Variants in SEMA5A observed in about 807,000 individuals in gnomAD.
SEMA5A encodes semaphorin 5A.
In SEMA5A, 55 loss-of-function variants were observed where a neutral mutation model predicts 135.5. The observed-to-expected ratio is 0.41, with a 90% CI of 0.33 to 0.51. The LOEUF (loss-of-function observed/expected upper bound fraction) is 0.51, where lower values mean the gene tolerates loss of function less well. SEMA5A is among the 20% of genes least tolerant of loss of function. SEMA5A has a pLI of 0.37. For synonymous variants in SEMA5A, 580 were observed against 546.5 expected (o/e 1.06, Z -0.85); for missense variants, 1,290 against 1,419.9 (o/e 0.91, Z 1.47).
chr5:9,171,683 CT>C (rs1418388007), intron 11 of SEMA5A, among the ~76,000 whole-genome samples: 2 of 152,140 alleles, frequency 1.3e-5, no homozygotes, highest in Admixed American at 6.5e-5. Flanking sequence ...CAATTCATTG[CT>C]TTCCCTAACT....
At chr5:9,457,131 C>A (rs3798031) in intron 1 of SEMA5A, among the ~76,000 whole-genome samples, 1 of 151,994 alleles carries the variant, frequency 6.6e-6, no homozygotes, top group Admixed American at 6.6e-5. Context: ...GTACTAACCA[C>A]GTGCTGCTTC....
rs975493153 is a variant in SEMA5A at position 9,053,759 on chromosome 5, G to C, written c.2689+328C>G. The C allele has an allele frequency of 2.5e-5, 5 of 199,270 alleles. No individual in the cohort carries two copies. In the East Asian group the frequency reaches 5.9e-4, roughly 23 times the overall value. The allele number at this position is 199,270 out of a possible 1,614,324, so 12.3% of individuals were successfully genotyped here. On this transcript the variant is annotated intron_variant, in intron 19 of 22. Coordinates refer to ENST00000382496, the MANE Select transcript of SEMA5A (RefSeq NM_003966.3). The stretch of plus-strand genomic sequence containing the variant: ...TGGGTCACTAGTGTTAATTAGCAAA[G>C]TCAAGAATAAATTGGGATGTTTCCT...
chr5:9,375,678 C>T (rs573776273), intron 3 of SEMA5A, among the ~76,000 whole-genome samples: 8 of 150,582 alleles, frequency 5.3e-5, no homozygotes, highest in East Asian at 1.9e-4. Context: ...CAGAAAGTGA[C>T]GAATTGTCCT....
chr5:9,303,430 A>C (rs1751712124), intron 5 of SEMA5A, among the ~76,000 whole-genome samples: 1 of 152,172 alleles, frequency 6.6e-6, no homozygotes, highest in Non-Finnish European at 1.5e-5. Context: ...AGATTCAAAG[A>C]ATGCCTGAAC....
At chr5:9,214,773 A>G (rs1439424391) in intron 8 of SEMA5A, among the ~76,000 whole-genome samples, 1 of 152,218 alleles carries the variant, frequency 6.6e-6, no homozygotes, top group Non-Finnish European at 1.5e-5. Context: ...AGGCTAGACT[A>G]TGAGAGCACT....
intron 11 of SEMA5A, among the ~76,000 whole-genome samples, chr5:9,186,367 T>C (rs1007005704): frequency 1.3e-5 from 2 of 152,156 alleles, no homozygotes; most frequent in Non-Finnish European, 2.9e-5. Flanking sequence ...CTGTAGACAA[T>C]ATGGACAAAT....
intron 1 of SEMA5A, among the ~76,000 whole-genome samples, chr5:9,532,828 G>C (rs1385089519): frequency 6.6e-6 from 1 of 152,144 alleles, no homozygotes; most frequent in Non-Finnish European, 1.5e-5. Flanking sequence ...CCAAAGAGAA[G>C]AGTGAGGGGA....
chr5:9,506,544 G>C (rs1735889473), intron 1 of SEMA5A, among the ~76,000 whole-genome samples: 1 of 152,130 alleles, frequency 6.6e-6, no homozygotes, highest in East Asian at 1.9e-4. Context: ...GGCCCCATGG[G>C]GTAGGGTTGA....
At chr5:9,423,207 A>C (rs375007788) in intron 2 of SEMA5A, among the ~76,000 whole-genome samples, 1 of 152,352 alleles carries the variant, frequency 6.6e-6, no homozygotes, top group East Asian at 1.9e-4. Flanking sequence ...GACTTGTTCC[A>C]AATGGCTTTC....
At chr5:9,199,288 G>A (rs1745577675) in intron 9 of SEMA5A, among the ~76,000 whole-genome samples, 1 of 152,074 alleles carries the variant, frequency 6.6e-6, no homozygotes, top group South Asian at 2.1e-4. Flanking sequence ...ACTTCTTCCT[G>A]TCCCCTGTGC....
At chr5:9,093,692 C>A (rs1217170770) in intron 16 of SEMA5A, among the ~76,000 whole-genome samples, 5 of 146,572 alleles carry the variant, frequency 3.4e-5, no homozygotes, top group African/African-American at 7.6e-5. Flanking sequence ...GACTCTGTCT[C>A]AAAAAAAAAC....
intron 2 of SEMA5A, among the ~76,000 whole-genome samples, chr5:9,400,501 ATT>A (rs1215358817): frequency 4.0e-4 from 35 of 87,012 alleles, no homozygotes; most frequent in African/African-American, 1.7e-3. Flanking sequence ...CACAATGTAC[ATT>A]TTTTTTTTTT....
At chr5:9,295,431 A>G (rs983537482) in intron 5 of SEMA5A, among the ~76,000 whole-genome samples, 3 of 152,142 alleles carry the variant, frequency 2.0e-5, no homozygotes, top group African/African-American at 7.2e-5. Flanking sequence ...GAACAAAGAG[A>G]AAGATGGGAA....
At chr5:9,259,117 C>T (rs189718833) in intron 5 of SEMA5A, among the ~76,000 whole-genome samples, 33 of 152,214 alleles carry the variant, frequency 2.2e-4, no homozygotes, top group Admixed American at 1.3e-3. Flanking sequence ...CCACCAGGCC[C>T]GGCCCCATTA....
chr5:9,182,955 T>C, intron 11 of SEMA5A, among the ~76,000 whole-genome samples: 1 of 152,170 alleles, frequency 6.6e-6, no homozygotes, highest in African/African-American at 2.4e-5. Context: ...TTTTTAAACA[T>C]AGCTAGAAGG....
intron 1 of SEMA5A, chr5:9,516,954 T>A (rs2126861284): frequency 6.6e-6 from 1 of 152,378 alleles, no homozygotes; most frequent in South Asian, 2.1e-4. Context: ...GATCTCTACA[T>A]TCTACCAAAT....
At chr5:9,508,449 C>T (rs941500749) in intron 1 of SEMA5A, among the ~76,000 whole-genome samples, 6 of 152,202 alleles carry the variant, frequency 3.9e-5, no homozygotes, top group Non-Finnish European at 7.3e-5. Flanking sequence ...CCATTCTCCA[C>T]GTTGCAGAAG....
rs1215358817 is a variant in SEMA5A at position 9,400,501 on chromosome 5, ATTTTTTTTTTT to A, written c.-77-20489_-77-20479del. On this transcript the variant is annotated intron_variant, in intron 2 of 22. Coordinates refer to ENST00000382496, the MANE Select transcript of SEMA5A (RefSeq NM_003966.3). ...CTTCAATAGTTTGAACACAATGTACATTTTTTTTTTTTTTTTTTTTTTTGAGACGGAGTCTC... is the reference window on the plus strand; with the variant it reads ...CTTCAATAGTTTGAACACAATGTACATTTTTTTTTTTTGAGACGGAGTCTC... Among the ~76,000 whole-genome samples the A allele has an allele frequency of 8.0e-5, 7 of 87,040 alleles. 1 individual carries two copies. Among genetic ancestry groups the A allele is most frequent in the Non-Finnish European group, 1.5e-4 (7 of 46,600 alleles). The allele number at this position is 87,040 out of a possible 152,430, so 57.1% of individuals were successfully genotyped here.
intron 1 of SEMA5A, among the ~76,000 whole-genome samples, chr5:9,450,103 G>T (rs1758580260): frequency 6.6e-6 from 1 of 152,058 alleles, no homozygotes; most frequent in Non-Finnish European, 1.5e-5. Flanking sequence ...TGTCCATTAA[G>T]CTGAGTCCCC....
Sources: allele counts gnomAD v4.1 joint callset (sites outside exome capture counted in the v4.1 genomes callset), GRCh38; gene constraint gnomAD v4.1.1; transcripts MANE v1.5; gene names NCBI Gene and HGNC (gene_info 2026-07-23, HGNC 2026-07-21).